The following FLT4 variants were observed in gnomAD, a reference collection of about 807,000 sequenced individuals.
FLT4 encodes vascular endothelial growth factor receptor 3.
FLT4 carries 30 observed loss-of-function variants against 163.2 expected under a neutral mutation model. That is an observed-to-expected ratio of 0.18 (90% CI 0.14 to 0.25). The LOEUF (loss-of-function observed/expected upper bound fraction) is 0.25, where lower values mean the gene tolerates loss of function less well. FLT4 is among the 10% of genes least tolerant of loss of function. The probability of loss-of-function intolerance (pLI) is 1.00; values close to 1 mark genes in which losing one functional copy is unlikely to be tolerated. For synonymous variants in FLT4, 884 were observed against 789.5 expected (o/e 1.12, Z -2.01); for missense variants, 1,510 against 1,863.8 (o/e 0.81, Z 3.50).
intron 1 of FLT4, among the ~76,000 whole-genome samples, chr5:180,641,451 G>A (rs1765091511): frequency 6.6e-6 from 1 of 152,224 alleles, no homozygotes; most frequent in Non-Finnish European, 1.5e-5. Flanking sequence ...TGTGTGGCAG[G>A]CCTGCCAGCT....
intron 1 of FLT4, among the ~76,000 whole-genome samples, chr5:180,633,993 G>A (rs1764366096): frequency 6.6e-6 from 1 of 152,166 alleles, no homozygotes. Context: ...CCACCGTGCG[G>A]CAGCTGTCAG....
chr5:180,640,121 T>TGCTGTGC (rs1764993478), intron 1 of FLT4, among the ~76,000 whole-genome samples: 1 of 151,974 alleles, frequency 6.6e-6, no homozygotes, highest in Non-Finnish European at 1.5e-5. Context: ...GTCCTGCACC[T>TGCTGTGC]CCCCTGGGCA....
chr5:180,637,331 A>G (rs1210133583), intron 1 of FLT4, among the ~76,000 whole-genome samples: 11 of 65,866 alleles, frequency 1.7e-4, no homozygotes, highest in South Asian at 8.8e-4. Flanking sequence ...CCGTCTCAGG[A>G]AAAAAAAAAA....
chr5:180,642,206 GAAAA>G (rs56315811), intron 1 of FLT4, among the ~76,000 whole-genome samples: 1 of 132,192 alleles, frequency 7.6e-6, no homozygotes, highest in Non-Finnish European at 1.6e-5. Flanking sequence ...GACTCTGTGT[GAAAA>G]AAAAAAAAAA....
At position 180,602,714 on chromosome 5, in the gene FLT4, C is replaced by T. The variant is rs1581595711; in HGVS notation, c.*478G>A. The T allele has an allele frequency of 2.2e-6, 1 of 449,384 alleles. No homozygotes were observed. Among genetic ancestry groups the T allele is most frequent in the Admixed American group, 3.8e-5 (1 of 26,338 alleles). 27.8% of individuals were successfully genotyped at this position (449,384 alleles called of 1,614,324 possible). On this transcript the variant is annotated 3_prime_UTR_variant, in exon 30 of 30. Coordinates refer to ENST00000261937, the MANE Select transcript of FLT4 (RefSeq NM_182925.5). Reference sequence around the variant, plus strand: ...ACTGTGCAGGGGTGGGTGAGGCCAGCCAGCCCTCGTGGGGAGAGTAGCTGT... The same window carrying T: ...ACTGTGCAGGGGTGGGTGAGGCCAGTCAGCCCTCGTGGGGAGAGTAGCTGT...
chr5:180,637,953 C>G (rs940580706), intron 1 of FLT4, among the ~76,000 whole-genome samples: 1 of 152,232 alleles, frequency 6.6e-6, no homozygotes, highest in Non-Finnish European at 1.5e-5. Flanking sequence ...CTAGTCTCCC[C>G]TCATCCACCA....
intron 22 of FLT4, 36 bp downstream of exon 22, chr5:180,616,864 C>G (rs769037554): frequency 2.6e-6 from 4 of 1,544,402 alleles, no homozygotes; most frequent in East Asian, 2.2e-5. Context: ...GGGATGCACC[C>G]TTTTCCCGTC....
chr5:180,624,692 C>A (rs1436403999), intron 10 of FLT4, among the ~76,000 whole-genome samples: 1 of 152,264 alleles, frequency 6.6e-6, no homozygotes, highest in East Asian at 1.9e-4. Flanking sequence ...GATCTGCCCA[C>A]ATGGCTGCAG....
intron 1 of FLT4, among the ~76,000 whole-genome samples, chr5:180,633,973 C>T (rs1019598346): frequency 8.5e-5 from 13 of 152,138 alleles, no homozygotes; most frequent in Non-Finnish European, 5.9e-5. Context: ...CCAGCAGACA[C>T]CTTCCAGCTC....
At chr5:180,646,841 C>T (rs73812651) in intron 1 of FLT4, among the ~76,000 whole-genome samples, 212 of 152,314 alleles carry the variant, frequency 1.4e-3, no homozygotes, top group African/African-American at 4.6e-3. Flanking sequence ...CATCACACCT[C>T]GTACCCTGTC....
chr5:180,648,462 TA>T (rs963831922), intron 1 of FLT4, among the ~76,000 whole-genome samples: 1 of 152,158 alleles, frequency 6.6e-6, no homozygotes, highest in Non-Finnish European at 1.5e-5. Context: ...TACAAGCATG[TA>T]AAGCCAGTAT....
chr5:180,634,123 C>G (rs1456191936), intron 1 of FLT4, among the ~76,000 whole-genome samples: 1 of 152,208 alleles, frequency 6.6e-6, no homozygotes, highest in Non-Finnish European at 1.5e-5. Context: ...ACCTCCTCCT[C>G]CCATCCTCCC....
intron 1 of FLT4, among the ~76,000 whole-genome samples, chr5:180,639,098 CATGGATGGATGGATGA>C (rs1021175555): frequency 1.1e-4 from 17 of 149,712 alleles, no homozygotes; most frequent in Admixed American, 3.3e-4. Context: ...TAGGTGGACG[CATGGATGGATGGATGA>C]ATGGATGGAT....
chr5:180,621,006 T>C lies in FLT4; in HGVS notation c.2169A>G (p.Gly723=). 6.2e-7 allele frequency: 1 copy of C among 1,611,426 alleles called. No individual in the cohort carries two copies. Among genetic ancestry groups the C allele is most frequent in the Middle Eastern group, 1.7e-4 (1 of 6,058 alleles). Residue 723 remains glycine (G), a splice_region_variant and synonymous_variant, in exon 15 of 30, where the codon GGA becomes GGG. Transcript: ENST00000261937. ...KDERLLEEKS[G]VDLADSNQKL... ...TCTGGTTGGAGTCCGCCAAGTCGAC[T>C]CCTGCAGGGGGTGGGGTGGAGGTGC...
In FLT4 at chr5:180,621,624, C is replaced by T. The variant is rs1288832434; in HGVS notation, c.1938G>A (p.Glu646=). 6.8e-6 allele frequency: 11 copies of T among 1,606,312 alleles called. No homozygotes were observed. Among genetic ancestry groups the T allele is most frequent in the Non-Finnish European group, 8.5e-6 (10 of 1,175,246 alleles). Residue 646 remains glutamate, a synonymous_variant, in exon 13 of 30, where the codon GAG becomes GAA. Coordinates refer to ENST00000261937, the MANE Select transcript of FLT4 (RefSeq NM_182925.5). Reference sequence around the variant, plus strand: ...CTTCGCACACATAGTGGCCCTCGTGCTCGGGCGCGACGCGGGGGATACTCA... The same window carrying T: ...CTTCGCACACATAGTGGCCCTCGTGTTCGGGCGCGACGCGGGGGATACTCA... The part of the protein sequence containing the change: ...LSLSIPRVAP[E]HEGHYVCEVQ...
intron 1 of FLT4, among the ~76,000 whole-genome samples, chr5:180,638,993 TG>T (rs1046455504): frequency 9.1e-6 from 1 of 109,828 alleles, no homozygotes; most frequent in Non-Finnish European, 1.7e-5. Flanking sequence ...ATGAAAAAAA[TG>T]GAGGGATGGA....
At position 180,602,544 on chromosome 5, in the gene FLT4, C is replaced by T; in HGVS notation, c.*648G>A. 5.0e-6 allele frequency: 2 copies of T among 399,736 alleles called. No individual in the cohort carries two copies. Among genetic ancestry groups the T allele is most frequent in the Non-Finnish European group, 4.4e-6 (1 of 226,896 alleles). The allele number at this position is 399,736 out of a possible 1,614,324, so 24.8% of individuals were successfully genotyped here. On this transcript the variant is annotated 3_prime_UTR_variant, in exon 30 of 30. Coordinates refer to ENST00000261937, the MANE Select transcript of FLT4 (RefSeq NM_182925.5). ...CAGGATGGCTCTCAACACCCAGGCG[C>T]AGGTGTGCGGGCTGCCTCTGTGTTG...
Position 180,620,428 on chromosome 5 carries a change from G to T in FLT4, c.2407-120C>A. 1 of 1,385,264 alleles carries T rather than the reference G, an allele frequency of 7.2e-7. No homozygotes were observed. Among genetic ancestry groups the T allele is most frequent in the Non-Finnish European group, 1.0e-6 (1 of 984,166 alleles). The allele number at this position is 1,385,264 out of a possible 1,614,324, so 85.8% of individuals were successfully genotyped here. On this transcript the variant is annotated intron_variant, in intron 16 of 29. Coordinates refer to ENST00000261937, the MANE Select transcript of FLT4 (RefSeq NM_182925.5). The surrounding 1 kb of genome is among the most constrained non-coding windows in gnomAD (Gnocchi z 4.4). ...CCTGCGGGGTTCTCAGTCAAGGAGG[G>T]GACAGAAAAAAAGACAGACAACCTC...
intron 28 of FLT4, chr5:180,609,510 G>A (rs1762013235): frequency 5.6e-6 from 2 of 354,820 alleles, no homozygotes; most frequent in South Asian, 5.8e-5. Flanking sequence ...TCTTTTCAGA[G>A]TCCCCCAACA....
Sources: allele counts gnomAD v4.1 joint callset (sites outside exome capture counted in the v4.1 genomes callset), GRCh38; gene constraint gnomAD v4.1.1; non-coding constraint Gnocchi (gnomAD v3.1); transcripts MANE v1.5; gene names NCBI Gene and HGNC (gene_info 2026-07-23, HGNC 2026-07-21).